Variants in SGCZ observed in about 807,000 individuals in gnomAD.
SGCZ encodes zeta-sarcoglycan.
A neutral mutation model predicts 41.3 loss-of-function variants in SGCZ; 40 were observed. That is an observed-to-expected ratio of 0.97 (90% CI 0.75 to 1.26). SGCZ has a LOEUF of 1.26. Among genes scored for constraint, SGCZ ranks in the 50% most tolerant of loss-of-function variants. The pLI is 0.00. For missense variants in SGCZ, 552 were observed against 369.8 expected, an observed-to-expected ratio of 1.49 and a Z score of -4.04; for synonymous variants, 206 against 137.5, an observed-to-expected ratio of 1.50 and a Z score of -3.49.
chr8:14,541,716 C>T (rs2117152749), intron 2 of SGCZ, among the ~76,000 whole-genome samples: 1 of 152,198 alleles, frequency 6.6e-6, no homozygotes, highest in South Asian at 2.1e-4. Flanking sequence ...CACTGTCTTC[C>T]ACAATGGTTG....
chr8:14,481,662 A>G (rs531532236), intron 2 of SGCZ, among the ~76,000 whole-genome samples: 1 of 152,174 alleles, frequency 6.6e-6, no homozygotes, highest in South Asian at 2.1e-4. Context: ...GAGTTTTTTT[A>G]TTAATATTTA....
chr8:14,140,527 C>A (rs999694706), intron 5 of SGCZ, among the ~76,000 whole-genome samples: 4 of 152,122 alleles, frequency 2.6e-5, no homozygotes, highest in Non-Finnish European at 1.5e-5. Flanking sequence ...ACATCAATAA[C>A]AGACAAACAG....
intron 1 of SGCZ, among the ~76,000 whole-genome samples, chr8:14,799,988 T>A (rs1180969722): frequency 1.3e-5 from 2 of 152,204 alleles, no homozygotes; most frequent in Admixed American, 1.3e-4. Context: ...CAATTCATAA[T>A]GTTTAACAAG....
chr8:14,158,988 C>T (rs925613568), intron 5 of SGCZ, among the ~76,000 whole-genome samples: 8 of 152,142 alleles, frequency 5.3e-5, no homozygotes, highest in Admixed American at 2.0e-4. Flanking sequence ...AGGCTGGTCT[C>T]AAACTTCTGA....
chr8:14,451,693 C>T (rs1800597543), intron 2 of SGCZ, among the ~76,000 whole-genome samples: 1 of 152,318 alleles, frequency 6.6e-6, no homozygotes, highest in Admixed American at 6.5e-5. Context: ...GGTCTTAATA[C>T]ACATTGCACA....
intron 3 of SGCZ, among the ~76,000 whole-genome samples, chr8:14,285,274 A>C (rs1585319627): frequency 6.6e-6 from 1 of 152,274 alleles, no homozygotes; most frequent in African/African-American, 2.4e-5. Flanking sequence ...TGTAACCTCC[A>C]AAATTAAAAA....
intron 1 of SGCZ, among the ~76,000 whole-genome samples, chr8:15,090,460 C>A (rs2131061553): frequency 6.6e-6 from 1 of 152,284 alleles, no homozygotes; most frequent in Non-Finnish European, 1.5e-5. Flanking sequence ...ACAAAGAGCT[C>A]TAAGTCATGT....
chr8:15,168,377 C>T (rs867426073), intron 1 of SGCZ, among the ~76,000 whole-genome samples: 21 of 152,150 alleles, frequency 1.4e-4, no homozygotes, highest in African/African-American at 2.7e-4. Context: ...GGTCTAGGAA[C>T]GCAGAGGCTA....
intron 1 of SGCZ, among the ~76,000 whole-genome samples, chr8:14,864,117 C>G (rs1803845793): frequency 6.6e-6 from 1 of 152,102 alleles, no homozygotes; most frequent in South Asian, 2.1e-4. Context: ...GAACTAGATG[C>G]TCATTTAGAA....
At chr8:14,864,155 T>C (rs978563263) in intron 1 of SGCZ, among the ~76,000 whole-genome samples, 6 of 152,160 alleles carry the variant, frequency 3.9e-5, no homozygotes, top group African/African-American at 1.4e-4. Context: ...CATTGGATTT[T>C]CAGCAATAGT....
chr8:14,923,016 G>C (rs984585305), intron 1 of SGCZ, among the ~76,000 whole-genome samples: 15 of 152,102 alleles, frequency 9.9e-5, no homozygotes, highest in African/African-American at 3.6e-4. Context: ...ATTAGGTTTT[G>C]CCTTTGTTTT....
At chr8:14,439,331 C>T (rs1415035907) in intron 2 of SGCZ, among the ~76,000 whole-genome samples, 1 of 116,214 alleles carries the variant, frequency 8.6e-6, no homozygotes, top group Non-Finnish European at 2.0e-5. Context: ...ATATATATAT[C>T]TCCTCATGGA....
chr8:14,135,244 C>G lies in SGCZ; in HGVS notation c.548-27009G>C, dbSNP rs148046723. Reference sequence around the variant, plus strand: ...TAATAAAATAAATTCAAAGCTTTTTCACCTGTGTAACAAAATAATATTTTG... The same window carrying G: ...TAATAAAATAAATTCAAAGCTTTTTGACCTGTGTAACAAAATAATATTTTG... On this transcript the variant is annotated intron_variant, in intron 5 of 7. Coordinates refer to ENST00000382080, the MANE Select transcript of SGCZ (RefSeq NM_139167.4). Among the ~76,000 whole-genome samples the G allele has an allele frequency of 5.9e-3, 896 of 152,238 alleles. 6 individuals carry two copies. Among genetic ancestry groups the G allele is most frequent in the African/African-American group, 0.021 (852 of 41,548 alleles).
intron 1 of SGCZ, among the ~76,000 whole-genome samples, chr8:14,755,280 G>T (rs201800074): frequency 2.4e-4 from 37 of 151,728 alleles, no homozygotes; most frequent in East Asian, 1.9e-3. Context: ...CTGTAGTTTT[G>T]TTGATCTCTA....
intron 1 of SGCZ, among the ~76,000 whole-genome samples, chr8:15,155,109 T>C (rs1002454334): frequency 6.6e-6 from 1 of 151,926 alleles, no homozygotes; most frequent in Non-Finnish European, 1.5e-5. Context: ...CTGGGAAACA[T>C]GGTGAAACAT....
chr8:14,924,868 T>G (rs1425847573), intron 1 of SGCZ, among the ~76,000 whole-genome samples: 1 of 150,426 alleles, frequency 6.6e-6, no homozygotes, highest in Non-Finnish European at 1.5e-5. Context: ...TTTTTTTTTT[T>G]TTTTTTTGAG....
At chr8:14,493,583 G>T (rs1216284923) in intron 2 of SGCZ, among the ~76,000 whole-genome samples, 1 of 150,952 alleles carries the variant, frequency 6.6e-6, no homozygotes, top group East Asian at 2.0e-4. Context: ...GGCCAATATG[G>T]TCTCGATATC....
chr8:14,981,933 G>A (rs111568324), intron 1 of SGCZ, among the ~76,000 whole-genome samples: 3,957 of 152,076 alleles, frequency 0.026, 188 homozygotes, highest in African/African-American at 0.09. Flanking sequence ...GCAGATCATT[G>A]GAGGTCAGGA....
intron 2 of SGCZ, among the ~76,000 whole-genome samples, chr8:14,394,333 CAG>C (rs1187935349): frequency 6.6e-6 from 1 of 151,722 alleles, no homozygotes; most frequent in Non-Finnish European, 1.5e-5. Flanking sequence ...GTGTTTCTAA[CAG>C]AGACTGGGTT....
Sources: gnomAD v4.1 joint callset for allele counts (sites outside exome capture counted in the v4.1 genomes callset) on GRCh38, gnomAD v4.1.1 for gene constraint, MANE v1.5 for transcripts, NCBI Gene and HGNC (gene_info 2026-07-23, HGNC 2026-07-21) for gene names.